ZNF618: variants seen among roughly 807,000 people sequenced by gnomAD.
ZNF618 encodes the protein zinc finger protein 618.
A neutral mutation model predicts 103.0 loss-of-function variants in ZNF618; 34 were observed. The ratio of observed to expected loss-of-function variants is 0.33; its 90% CI spans 0.25 to 0.44. ZNF618 has a LOEUF of 0.44. ZNF618 is among the 20% of genes least tolerant of loss of function. The pLI, the probability that ZNF618 is intolerant of heterozygous loss-of-function variation, is 1.00. For synonymous variants in ZNF618, 551 were observed against 542.2 expected, an observed-to-expected ratio of 1.02 and a Z score of -0.23; for missense variants, 1,059 against 1,295.4, an observed-to-expected ratio of 0.82 and a Z score of 2.80.
At chr9:113,971,786 G>C (rs1837994029) in intron 2 of ZNF618, among the ~76,000 whole-genome samples, 1 of 152,144 alleles carries the variant, frequency 6.6e-6, no homozygotes, top group African/African-American at 2.4e-5. Flanking sequence ...GGAGATGCCT[G>C]CCCAGTCAGA....
intron 1 of ZNF618, among the ~76,000 whole-genome samples, chr9:113,925,347 G>A (rs547136514): frequency 6.6e-6 from 1 of 150,740 alleles, no homozygotes; most frequent in East Asian, 1.9e-4. Flanking sequence ...TCTTAGTATG[G>A]TATATCTTTC....
chr9:113,984,148 G>A (rs1839234654), intron 2 of ZNF618, among the ~76,000 whole-genome samples: 1 of 152,164 alleles, frequency 6.6e-6, no homozygotes, highest in African/African-American at 2.4e-5. Context: ...ATAAAACAAG[G>A]CAATGAACTA....
chr9:113,993,966 G>A (rs372590032), intron 3 of ZNF618, among the ~76,000 whole-genome samples: 10 of 152,330 alleles, frequency 6.6e-5, no homozygotes, highest in Middle Eastern at 3.4e-3. Flanking sequence ...AAGCCTGTGA[G>A]GGAGTGAGTT....
At chr9:114,003,386 A>G (rs1039122579) in intron 6 of ZNF618, among the ~76,000 whole-genome samples, 3 of 152,246 alleles carry the variant, frequency 2.0e-5, no homozygotes, top group Non-Finnish European at 1.5e-5. Flanking sequence ...CGCCAACAGA[A>G]ACGGGTGTAT....
intron 1 of ZNF618, among the ~76,000 whole-genome samples, chr9:113,967,131 C>A (rs536870986): frequency 1.3e-5 from 2 of 152,186 alleles, no homozygotes; most frequent in African/African-American, 4.8e-5. Context: ...TAAAAATACA[C>A]GCACAGAATT....
intron 1 of ZNF618, among the ~76,000 whole-genome samples, chr9:113,881,971 C>G (rs907917463): frequency 2.0e-5 from 3 of 152,106 alleles, no homozygotes; most frequent in Admixed American, 1.3e-4. Flanking sequence ...AGTGTGAGTC[C>G]GGGAGGCTGT....
At chr9:113,902,329 A>G (rs916383791) in intron 1 of ZNF618, among the ~76,000 whole-genome samples, 1 of 152,340 alleles carries the variant, frequency 6.6e-6, no homozygotes, top group Admixed American at 6.5e-5. Flanking sequence ...GTAAGAACTC[A>G]GATGCTACCT....
chr9:114,004,316 C>G (rs865900460), intron 6 of ZNF618, among the ~76,000 whole-genome samples: 4 of 152,202 alleles, frequency 2.6e-5, no homozygotes, highest in Admixed American at 6.5e-5. Flanking sequence ...GGGCCCTCCC[C>G]CTCCAGCCCC....
intron 14 of ZNF618, 69 bp from the exon 15 acceptor site, chr9:114,048,582 A>T: frequency 6.7e-7 from 1 of 1,486,520 alleles, no homozygotes; most frequent in South Asian, 1.3e-5. Flanking sequence ...TTAGAGTGTT[A>T]GGCTACTGCC....
chr9:114,033,965 C>T (rs577634044), intron 12 of ZNF618, among the ~76,000 whole-genome samples: 9 of 152,252 alleles, frequency 5.9e-5, no homozygotes, highest in African/African-American at 1.7e-4. Flanking sequence ...AGCTCCACTT[C>T]GGGCTGTTAC....
intron 1 of ZNF618, among the ~76,000 whole-genome samples, chr9:113,930,671 G>A (rs967144800): frequency 1.3e-5 from 2 of 152,214 alleles, no homozygotes; most frequent in African/African-American, 4.8e-5. Context: ...TTTAAAGTTT[G>A]ACAAGAAGGT....
In ZNF618 at chr9:114,036,310, C is replaced by T; in HGVS notation, c.1179C>T (p.Thr393=). The T allele has an allele frequency of 6.4e-7, 1 of 1,574,278 alleles. No individual in the cohort carries two copies. Among genetic ancestry groups the T allele is most frequent in the Non-Finnish European group, 8.6e-7 (1 of 1,159,152 alleles). Reference sequence around the variant, plus strand: ...CATTTCTCCCTCCAGAACCCTACACCTGCGGCGCCTGTGGGATCCAGTTCC... The same window carrying T: ...CATTTCTCCCTCCAGAACCCTACACTTGCGGCGCCTGTGGGATCCAGTTCC... ...SSSQNSSEPY[T]CGACGIQFQF... Residue 393 remains threonine (T), a synonymous_variant, in exon 13 of 15, where the codon ACC becomes ACT. Transcript: ENST00000374126.
chr9:113,993,873 C>T (rs751270716), intron 3 of ZNF618, among the ~76,000 whole-genome samples: 3 of 117,820 alleles, frequency 2.5e-5, no homozygotes, highest in African/African-American at 6.0e-5. Flanking sequence ...CTAGCCAATA[C>T]GGAGAAGTCT....
intron 1 of ZNF618, among the ~76,000 whole-genome samples, chr9:113,908,324 A>G (rs1404721447): frequency 6.6e-6 from 1 of 152,238 alleles, no homozygotes; most frequent in African/African-American, 2.4e-5. Flanking sequence ...CAGGATGTTA[A>G]ATACATAGAT....
In ZNF618 at chr9:114,048,848, G is replaced by T. The variant is rs2134673569; in HGVS notation, c.1546G>T (p.Gly516Cys). Residue 516 changes from glycine (G) to cysteine (C), a missense_variant, in exon 15 of 15, where the codon GGC becomes TGC. This residue lies in a region of ZNF618 where 434 missense variants were observed against 476.0 expected (regional missense o/e 0.91). Coordinates refer to ENST00000374126, the MANE Select transcript of ZNF618 (RefSeq NM_001318042.2). ...YGAFSVTEIL[G>C]NFNTLALKHL... ...GGCCTTCTCGGTCACTGAAATCCTGGGCAACTTCAACACGCTGGCGCTGAA... is the reference window on the plus strand; with the variant it reads ...GGCCTTCTCGGTCACTGAAATCCTGTGCAACTTCAACACGCTGGCGCTGAA... 6.2e-7 allele frequency: 1 copy of T among 1,609,934 alleles called. No individual in the cohort carries two copies. The highest frequency in any genetic ancestry group is 2.2e-5 in the East Asian group (1 of 44,714).
intron 3 of ZNF618, among the ~76,000 whole-genome samples, chr9:113,997,730 G>A (rs1198798121): frequency 6.6e-6 from 1 of 152,246 alleles, no homozygotes; most frequent in African/African-American, 2.4e-5. Flanking sequence ...AGTGAGCCCA[G>A]ACAGGTGGTG....
intron 4 of ZNF618, among the ~76,000 whole-genome samples, 173 bp from the exon 5 acceptor site, chr9:114,001,823 C>G (rs1377940648): frequency 1.3e-5 from 2 of 152,170 alleles, no homozygotes; most frequent in East Asian, 3.9e-4. Flanking sequence ...GGAGGGCAAA[C>G]CTGGATCTAG....
chr9:114,041,709 C>G (rs1337511216), intron 13 of ZNF618, among the ~76,000 whole-genome samples: 1 of 152,100 alleles, frequency 6.6e-6, no homozygotes, highest in Non-Finnish European at 1.5e-5. Flanking sequence ...GGTGCCAGTA[C>G]CATGCTGTTT....
chr9:113,880,516 A>G (rs1346833552), intron 1 of ZNF618, among the ~76,000 whole-genome samples: 1 of 152,180 alleles, frequency 6.6e-6, no homozygotes. Context: ...TTCTAGAGAG[A>G]GGGGTGCAGT....
Sources: gnomAD v4.1 joint callset for allele counts (sites outside exome capture counted in the v4.1 genomes callset) on GRCh38, gnomAD v4.1.1 for gene constraint, gnomAD v4.1.1 regional missense constraint, MANE v1.5 for transcripts, NCBI Gene and HGNC (gene_info 2026-07-23, HGNC 2026-07-21) for gene names.